The following CSMD1 variants were observed in gnomAD, a reference collection of about 807,000 sequenced individuals.
CSMD1 encodes CUB and sushi domain-containing protein 1.
CSMD1 carries 213 observed loss-of-function variants against 417.5 expected under a neutral mutation model. That is an observed-to-expected ratio of 0.51 (90% CI 0.46 to 0.57). The LOEUF (loss-of-function observed/expected upper bound fraction) is 0.57. Among genes scored for constraint, CSMD1 ranks in the 20% least tolerant of loss-of-function variants. The pLI, the probability that CSMD1 is intolerant of heterozygous loss-of-function variation, is 0.00. For missense variants in CSMD1, 6,923 were observed against 4,529.7 expected, an observed-to-expected ratio of 1.53 and a Z score of -15.17; for synonymous variants, 2,862 against 1,736.8, an observed-to-expected ratio of 1.65 and a Z score of -16.11.
At chr8:4,174,210 C>G (rs1797916883) in intron 3 of CSMD1, among the ~76,000 whole-genome samples, 1 of 152,136 alleles carries the variant, frequency 6.6e-6, no homozygotes. Context: ...GCCTCAGCAG[C>G]TATGTGAGGA....
chr8:4,066,901 C>T (rs1290110795), intron 3 of CSMD1, among the ~76,000 whole-genome samples: 6 of 152,208 alleles, frequency 3.9e-5, no homozygotes, highest in Non-Finnish European at 8.8e-5. Context: ...GTAACTATAA[C>T]ATTATGCTTT....
intron 26 of CSMD1, among the ~76,000 whole-genome samples, chr8:3,266,804 C>T (rs988856493): frequency 6.7e-6 from 1 of 148,884 alleles, no homozygotes; most frequent in Non-Finnish European, 1.5e-5. Flanking sequence ...AAAAAAGGAC[C>T]ACCCTCAGAT....
chr8:4,695,339 C>T (rs1807057792), intron 1 of CSMD1, among the ~76,000 whole-genome samples: 1 of 152,022 alleles, frequency 6.6e-6, no homozygotes, highest in Non-Finnish European at 1.5e-5. Context: ...CAGCCTACAT[C>T]CATGCTTGAG....
chr8:4,277,435 G>C (rs1456445043), intron 3 of CSMD1, among the ~76,000 whole-genome samples: 1 of 152,096 alleles, frequency 6.6e-6, no homozygotes. Flanking sequence ...CTGTCCGTCA[G>C]CTTTCAGTCA....
At chr8:3,855,251 G>C (rs891787335) in intron 5 of CSMD1, among the ~76,000 whole-genome samples, 25 of 152,076 alleles carry the variant, frequency 1.6e-4, no homozygotes, top group Admixed American at 1.3e-3. Flanking sequence ...AATAACCATA[G>C]ATTTTTACTA....
At chr8:3,638,370 T>C (rs910797514) in intron 7 of CSMD1, among the ~76,000 whole-genome samples, 1 of 152,072 alleles carries the variant, frequency 6.6e-6, no homozygotes, top group African/African-American at 2.4e-5. Context: ...CAAGAGGCTG[T>C]AGCCAGGTAT....
At chr8:4,322,974 G>A (rs1339349505) in intron 3 of CSMD1, among the ~76,000 whole-genome samples, 1 of 152,190 alleles carries the variant, frequency 6.6e-6, no homozygotes, top group African/African-American at 2.4e-5. Flanking sequence ...GACAGAGCGA[G>A]ACTCCGTCTC....
intron 5 of CSMD1, among the ~76,000 whole-genome samples, chr8:3,765,800 G>C (rs972766503): frequency 6.6e-6 from 1 of 152,162 alleles, no homozygotes; most frequent in African/African-American, 2.4e-5. Flanking sequence ...TCCTACGGGT[G>C]GAGACAGGTC....
At chr8:4,297,388 A>G (rs1374595514) in intron 3 of CSMD1, among the ~76,000 whole-genome samples, 1 of 152,122 alleles carries the variant, frequency 6.6e-6, no homozygotes, top group East Asian at 1.9e-4. Flanking sequence ...AGCGTACTGT[A>G]ATTCATTTTT....
chr8:2,965,794 C>A lies in CSMD1; in HGVS notation c.9261G>T (p.Pro3087=). 1 of 1,607,560 alleles carries A rather than the reference C, an allele frequency of 6.2e-7. No individual in the cohort carries two copies. The highest frequency in any genetic ancestry group is 1.1e-5 in the South Asian group (1 of 89,358). The change falls in exon 59 of 70, where the codon CCG becomes CCT. Residue 3087 remains proline, a synonymous_variant. Coordinates refer to ENST00000635120, the MANE Select transcript of CSMD1 (RefSeq NM_033225.6). ...IRCTKDGRWN[P]SKPVCKAVLC... ...ACAAACCTTTGCAGACAGGTTTGCT[C>A]GGATTCCACCTGCCGTCTTTGGTAC...
intron 2 of CSMD1, among the ~76,000 whole-genome samples, chr8:4,470,793 G>A (rs1180720075): frequency 6.6e-6 from 1 of 152,184 alleles, no homozygotes; most frequent in African/African-American, 2.4e-5. Context: ...TTTAAGGATT[G>A]TCTAACACAT....
chr8:4,954,560 G>T (rs1563858494), intron 1 of CSMD1, among the ~76,000 whole-genome samples: 1 of 152,050 alleles, frequency 6.6e-6, no homozygotes, highest in East Asian at 1.9e-4. Flanking sequence ...ATGTTTAAAT[G>T]ATAAACACAT....
At chr8:4,587,865 T>C (rs1277729195) in intron 2 of CSMD1, among the ~76,000 whole-genome samples, 1 of 152,220 alleles carries the variant, frequency 6.6e-6, no homozygotes, top group African/African-American at 2.4e-5. Context: ...TGAAATTTAT[T>C]GAAATGTAAA....
intron 2 of CSMD1, among the ~76,000 whole-genome samples, chr8:4,525,417 T>C (rs745492131): frequency 2.6e-5 from 4 of 152,206 alleles, no homozygotes; most frequent in South Asian, 2.1e-4. Context: ...TTCCCAACAA[T>C]GGGAATGCTC....
At chr8:4,133,149 G>C (rs985981827) in intron 3 of CSMD1, among the ~76,000 whole-genome samples, 1 of 152,098 alleles carries the variant, frequency 6.6e-6, no homozygotes, top group African/African-American at 2.4e-5. Context: ...TATTGGCCAG[G>C]CTGGTCTCAA....
chr8:2,988,517 A>G (rs2128945717), intron 54 of CSMD1, among the ~76,000 whole-genome samples: 1 of 152,270 alleles, frequency 6.6e-6, no homozygotes, highest in East Asian at 1.9e-4. Flanking sequence ...CATAGTTTAG[A>G]ATAGGGGACA....
chr8:4,021,625 G>T (rs1007554782), intron 4 of CSMD1, among the ~76,000 whole-genome samples: 41 of 152,112 alleles, frequency 2.7e-4, no homozygotes, highest in African/African-American at 9.4e-4. Flanking sequence ...ACATGTAGCT[G>T]CTCTTTTTAA....
At chr8:4,616,425 A>C (rs1801478849) in intron 2 of CSMD1, among the ~76,000 whole-genome samples, 1 of 152,208 alleles carries the variant, frequency 6.6e-6, no homozygotes, top group Admixed American at 6.5e-5. Flanking sequence ...TTTTAAGAAC[A>C]CTGGCTATTT....
chr8:3,340,292 C>A (rs1253621795), intron 23 of CSMD1, among the ~76,000 whole-genome samples: 1 of 152,054 alleles, frequency 6.6e-6, no homozygotes, highest in Non-Finnish European at 1.5e-5. Context: ...CTGGAATTAC[C>A]AGGATTGTAA....
Sources: gnomAD v4.1 joint callset for allele counts (sites outside exome capture counted in the v4.1 genomes callset) on GRCh38, gnomAD v4.1.1 for gene constraint, MANE v1.5 for transcripts, NCBI Gene and HGNC (gene_info 2026-07-23, HGNC 2026-07-21) for gene names.